CADM2: variants seen among roughly 807,000 people sequenced by gnomAD.
The protein encoded by CADM2 is cell adhesion molecule 2.
Under a neutral mutation model 49.8 loss-of-function variants are expected in CADM2, and 12 were observed. The ratio of observed to expected loss-of-function variants is 0.24; its 90% CI spans 0.15 to 0.39. The LOEUF (loss-of-function observed/expected upper bound fraction) is 0.39, where lower values mean the gene tolerates loss of function less well. Among genes scored for constraint, CADM2 ranks in the 10% least tolerant of loss-of-function variants. The pLI is 1.00. For missense variants in CADM2, 378 were observed against 492.3 expected (o/e 0.77, Z 2.20); for synonymous variants, 214 against 175.4 (o/e 1.22, Z -1.74).
intron 1 of CADM2, among the ~76,000 whole-genome samples, chr3:85,547,313 G>A (rs1418714126): frequency 6.6e-6 from 1 of 152,134 alleles, no homozygotes; most frequent in Non-Finnish European, 1.5e-5. Flanking sequence ...TGCTATTTAT[G>A]ATTGTTTGAA....
At chr3:85,232,733 T>C (rs1298973387) in intron 1 of CADM2, among the ~76,000 whole-genome samples, 45 of 152,144 alleles carry the variant, frequency 3.0e-4, no homozygotes, top group Non-Finnish European at 7.3e-5. Flanking sequence ...TACACACTTC[T>C]CAGAATGGCT....
intron 1 of CADM2, among the ~76,000 whole-genome samples, chr3:85,512,601 A>G (rs1046905508): frequency 1.3e-5 from 2 of 152,132 alleles, no homozygotes; most frequent in African/African-American, 4.8e-5. Flanking sequence ...AAATTAGAAT[A>G]AATTTTAAAT....
chr3:85,489,946 A>T (rs746585162), intron 1 of CADM2, among the ~76,000 whole-genome samples: 89 of 152,104 alleles, frequency 5.9e-4, no homozygotes, highest in Admixed American at 3.1e-3. Context: ...CCTTCCTTGA[A>T]TCAGTAGATG....
intron 5 of CADM2, among the ~76,000 whole-genome samples, chr3:85,888,242 T>A (rs1713940825): frequency 6.6e-6 from 1 of 152,208 alleles, no homozygotes; most frequent in Admixed American, 6.5e-5. Flanking sequence ...ATTGATTGAT[T>A]GTTTTTCACA....
chr3:85,422,178 A>G (rs2036201990), intron 1 of CADM2, among the ~76,000 whole-genome samples: 1 of 30,854 alleles, frequency 3.2e-5, no homozygotes, highest in Non-Finnish European at 1.0e-4. Context: ...TTTTAATAAC[A>G]GTCGTTAATA....
At chr3:85,912,292 G>C in intron 5 of CADM2, 81 bp from the exon 6 acceptor site, 1 of 960,676 alleles carries the variant, frequency 1.0e-6, no homozygotes, top group Non-Finnish European at 1.5e-6. Flanking sequence ...ATAGGGAGAA[G>C]CTGTTTCCAT....
intron 1 of CADM2, among the ~76,000 whole-genome samples, chr3:85,257,155 G>T (rs2042905795): frequency 6.6e-6 from 1 of 151,988 alleles, no homozygotes; most frequent in Admixed American, 6.6e-5. Context: ...TTGAACTCAG[G>T]CACTATTTCA....
At chr3:85,295,176 A>T (rs1347276270) in intron 1 of CADM2, among the ~76,000 whole-genome samples, 1 of 152,180 alleles carries the variant, frequency 6.6e-6, no homozygotes, top group Non-Finnish European at 1.5e-5. Flanking sequence ...TGCAGCCAAA[A>T]AACACATGTA....
intron 1 of CADM2, among the ~76,000 whole-genome samples, chr3:85,131,409 T>G (rs2039224456): frequency 6.6e-6 from 1 of 152,220 alleles, no homozygotes; most frequent in Non-Finnish European, 1.5e-5. Context: ...TAGTTATTCT[T>G]TCCTTCAAAA....
chr3:85,814,932 G>A (rs1004575811), intron 3 of CADM2, among the ~76,000 whole-genome samples: 1 of 151,738 alleles, frequency 6.6e-6, no homozygotes, highest in African/African-American at 2.4e-5. Context: ...GAATACTATA[G>A]AAATACAAAC....
rs141259874 is a variant in CADM2 at position 85,110,256 on chromosome 3, C to CAG, written c.61+150604_61+150605dup. Among the ~76,000 whole-genome samples the CAG allele has an allele frequency of 9.7e-4, 145 of 149,526 alleles. 1 individual carries two copies. Among genetic ancestry groups the CAG allele is most frequent in the Middle Eastern group, 3.4e-3 (1 of 292 alleles). Reference sequence around the variant, plus strand: ...TCGTATAGATAAGATTCCAGAGAGACAGAGAGAGAGAGAGAGAATAAGAGA... The same window carrying CAG: ...TCGTATAGATAAGATTCCAGAGAGACAGAGAGAGAGAGAGAGAGAATAAGAGA... On this transcript the variant is annotated intron_variant, in intron 1 of 9. Coordinates refer to ENST00000383699, the MANE Select transcript of CADM2 (RefSeq NM_001167675.2).
intron 8 of CADM2, among the ~76,000 whole-genome samples, chr3:86,031,718 A>C (rs1174753482): frequency 4.0e-5 from 6 of 151,826 alleles, no homozygotes; most frequent in Admixed American, 3.9e-4. Context: ...CTTGGGAATT[A>C]CATGAAGAAA....
At chr3:85,515,434 T>TA (rs1553734243) in intron 1 of CADM2, among the ~76,000 whole-genome samples, 37 of 148,552 alleles carry the variant, frequency 2.5e-4, no homozygotes, top group South Asian at 8.5e-4. Flanking sequence ...TCTTTTTTTT[T>TA]TTATTATTAT....
At chr3:85,604,113 G>A (rs1174769685) in intron 1 of CADM2, among the ~76,000 whole-genome samples, 4 of 151,858 alleles carry the variant, frequency 2.6e-5, no homozygotes, top group African/African-American at 9.7e-5. Flanking sequence ...ATGTAGGAGA[G>A]AAAGGATAAA....
intron 1 of CADM2, among the ~76,000 whole-genome samples, chr3:84,987,665 T>A (rs925150276): frequency 1.3e-5 from 2 of 152,164 alleles, no homozygotes; most frequent in African/African-American, 4.8e-5. Flanking sequence ...TCTGGCCCGA[T>A]TTTGTTGATT....
At chr3:85,360,110 G>A (rs74569441) in intron 1 of CADM2, among the ~76,000 whole-genome samples, 3,037 of 151,830 alleles carry the variant, frequency 0.02, 51 homozygotes, top group Middle Eastern at 0.034. Flanking sequence ...ATATCAAATA[G>A]AATGTCTTTG....
At chr3:85,883,983 C>T (rs1713193326) in intron 4 of CADM2, among the ~76,000 whole-genome samples, 1 of 152,110 alleles carries the variant, frequency 6.6e-6, no homozygotes, top group Non-Finnish European at 1.5e-5. Context: ...TTCTAGATTC[C>T]TAAATGAAGT....
intron 1 of CADM2, among the ~76,000 whole-genome samples, chr3:85,223,423 G>A (rs375424934): frequency 8.6e-5 from 13 of 152,018 alleles, no homozygotes; most frequent in South Asian, 4.2e-4. Flanking sequence ...CTAGAAGCCC[G>A]CACTTGAATA....
At chr3:85,033,964 C>T (rs1256696788) in intron 1 of CADM2, among the ~76,000 whole-genome samples, 1 of 151,990 alleles carries the variant, frequency 6.6e-6, no homozygotes, top group Non-Finnish European at 1.5e-5. Context: ...TTATGGTCAT[C>T]ACGTTTTTTA....
Sources: gnomAD v4.1 joint callset for allele counts (sites outside exome capture counted in the v4.1 genomes callset) on GRCh38, gnomAD v4.1.1 for gene constraint, MANE v1.5 for transcripts, NCBI Gene and HGNC (gene_info 2026-07-23, HGNC 2026-07-21) for gene names.